The following RAB27A variants were observed in gnomAD, a reference collection of about 807,000 sequenced individuals.
RAB27A encodes ras-related protein Rab-27A.
In RAB27A, 17 loss-of-function variants were observed where a neutral mutation model predicts 20.8. The ratio of observed to expected loss-of-function variants is 0.82; its 90% confidence interval spans 0.56 to 1.23. RAB27A has a LOEUF of 1.23. Among genes scored for constraint, RAB27A ranks in the 50% most tolerant of loss-of-function variants. The pLI is 0.00. For synonymous variants in RAB27A, 85 were observed against 92.8 expected (o/e 0.92, Z 0.48); for missense variants, 277 against 266.7 (o/e 1.04, Z -0.27).
At chr15:55,314,616 C>T (rs2055035488) in intron 1 of RAB27A, among the ~76,000 whole-genome samples, 1 of 152,214 alleles carries the variant, frequency 6.6e-6, no homozygotes, top group African/African-American at 2.4e-5. Context: ...CGTTCCTATA[C>T]ACCCTTAACA....
intron 5 of RAB27A, among the ~76,000 whole-genome samples, chr15:55,227,887 A>G (rs1727339337): frequency 6.6e-6 from 1 of 152,242 alleles, no homozygotes; most frequent in Non-Finnish European, 1.5e-5. Flanking sequence ...ATTTAATATT[A>G]CAGCCTTCCC....
At chr15:55,296,236 G>A (rs532300071) in intron 2 of RAB27A, among the ~76,000 whole-genome samples, 198 of 151,276 alleles carry the variant, frequency 1.3e-3, no homozygotes, top group African/African-American at 4.5e-3. Context: ...GCCTGACGCG[G>A]TGGCTCACAC....
chr15:55,262,266 G>A (rs1897294911), intron 2 of RAB27A, among the ~76,000 whole-genome samples: 2 of 151,994 alleles, frequency 1.3e-5, no homozygotes, highest in Admixed American at 6.6e-5. Flanking sequence ...AGTCGGCCAG[G>A]CGCGGTGGCT....
chr15:55,284,864 A>G (rs888434919), intron 1 of RAB27A, among the ~76,000 whole-genome samples: 6 of 152,196 alleles, frequency 3.9e-5, no homozygotes, highest in African/African-American at 1.4e-4. Context: ...GTAAAATGAA[A>G]TGTTCTCTAA....
chr15:55,302,524 C>T (rs1257605590), intron 2 of RAB27A, among the ~76,000 whole-genome samples: 1 of 151,680 alleles, frequency 6.6e-6, no homozygotes, highest in Non-Finnish European at 1.5e-5. Context: ...AGCGTCTCTG[C>T]CTGGCCGCCC....
At chr15:55,306,094 G>A (rs2141144440) in intron 2 of RAB27A, among the ~76,000 whole-genome samples, 1 of 152,236 alleles carries the variant, frequency 6.6e-6, no homozygotes, top group South Asian at 2.1e-4. Context: ...TATTCCTGAG[G>A]GTAGGCAGAC....
chr15:55,279,193 G>T lies in RAB27A; in HGVS notation c.-142-8909C>A, dbSNP rs558584418. On this transcript the variant is annotated intron_variant, in intron 1 of 6. Transcript: ENST00000336787. Reference sequence around the variant, plus strand: ...CTCTTAATAAAGGCCCCCATGGCCTGTCCTCCCATACTCTTCTATTTCTTC... The same window carrying T: ...CTCTTAATAAAGGCCCCCATGGCCTTTCCTCCCATACTCTTCTATTTCTTC... 9.2e-5 allele frequency among the ~76,000 whole-genome samples: 14 copies of T among 152,280 alleles called. No individual in the cohort carries two copies. The East Asian group carries it at 2.7e-3, about 29-fold the overall frequency.
At position 55,205,339 on chromosome 15, in the gene RAB27A, C is replaced by G; in HGVS notation, c.*168G>C. 2.8e-6 allele frequency: 2 copies of G among 715,712 alleles called. No individual in the cohort carries two copies. The highest frequency in any genetic ancestry group is 4.8e-6 in the Non-Finnish European group (2 of 418,742). 44.3% of individuals were successfully genotyped at this position (715,712 alleles called of 1,614,324 possible). A position where few individuals can be genotyped will look rare whatever the true frequency, so the allele number is the denominator to read the frequency against. ...GAATCTTAAAGAAATATTTACAAAG[C>G]TGCAACAAATTAATTTTAGAACCGG... On this transcript the variant is annotated 3_prime_UTR_variant, in exon 7 of 7. Coordinates refer to ENST00000336787, the MANE Select transcript of RAB27A (RefSeq NM_183235.3).
chr15:55,281,414 T>C (rs1296143434), intron 1 of RAB27A, among the ~76,000 whole-genome samples: 1 of 152,168 alleles, frequency 6.6e-6, no homozygotes, highest in Non-Finnish European at 1.5e-5. Flanking sequence ...TGGTTTCATT[T>C]AAAAAATAAA....
Position 55,257,319 on chromosome 15 carries a change from C to T in RAB27A, c.-23+12846G>A, listed in dbSNP as rs193163752. ...CCCTGTGGCCCACATTTACCTCTGC[C>T]CTTGAGACAGAGGCAGAGTAGCCAA... On this transcript the variant is annotated intron_variant, in intron 2 of 6. Transcript: ENST00000336787. Among the ~76,000 whole-genome samples, 169 of 152,224 alleles carry T rather than the reference C, an allele frequency of 1.1e-3. 1 individual carries two copies. The highest frequency in any genetic ancestry group is 3.9e-3 in the African/African-American group (160 of 41,546).
chr15:55,280,537 C>A (rs1897989510), intron 1 of RAB27A, among the ~76,000 whole-genome samples: 1 of 135,962 alleles, frequency 7.4e-6, no homozygotes, highest in African/African-American at 3.1e-5. Flanking sequence ...ACTTTAAGTT[C>A]TAGGGTACAT....
upstream of RAB27A, among the ~76,000 whole-genome samples, chr15:55,293,866 G>C (rs1202091157): frequency 2.6e-5 from 4 of 152,064 alleles, no homozygotes; most frequent in African/African-American, 9.7e-5. Flanking sequence ...GCAGTAAGCC[G>C]AGATCGTGCA....
intron 1 of RAB27A, among the ~76,000 whole-genome samples, chr15:55,274,501 G>T (rs1205741842): frequency 1.3e-5 from 2 of 149,270 alleles, no homozygotes; most frequent in African/African-American, 4.9e-5. Context: ...AAACTGGCTG[G>T]GTGCGGTGGT....
chr15:55,257,961 C>A (rs1337592175), intron 2 of RAB27A, among the ~76,000 whole-genome samples: 1 of 151,580 alleles, frequency 6.6e-6, no homozygotes, highest in East Asian at 1.9e-4. Flanking sequence ...CCACTGCACT[C>A]CAGGCTGAGG....
At chr15:55,257,205 G>A (rs933990881) in intron 2 of RAB27A, among the ~76,000 whole-genome samples, 1 of 152,108 alleles carries the variant, frequency 6.6e-6, no homozygotes, top group African/African-American at 2.4e-5. Flanking sequence ...TTTTGGAAGG[G>A]AAGGATGATG....
chr15:55,270,041 G>A (rs1897654320), intron 2 of RAB27A, 124 bp downstream of exon 2: 1 of 151,646 alleles, frequency 6.6e-6, no homozygotes, highest in Non-Finnish European at 1.5e-5. Context: ...TAAGTCTTTA[G>A]TTTAAAAACA....
intron 2 of RAB27A, among the ~76,000 whole-genome samples, chr15:55,243,113 GC>G: frequency 6.6e-6 from 1 of 152,222 alleles, no homozygotes; most frequent in East Asian, 1.9e-4. Context: ...CTATCAAGAA[GC>G]CCTTCATCCT....
chr15:55,203,169 T>G lies in RAB27A; in HGVS notation c.*2338A>C, dbSNP rs1428259729. 2 of 152,230 alleles carry G rather than the reference T, an allele frequency of 1.3e-5. No individual in the cohort carries two copies. The highest frequency in any genetic ancestry group is 2.9e-5 in the Non-Finnish European group (2 of 68,040). The allele number at this position is 152,230 out of a possible 1,614,324, so 9.4% of individuals were successfully genotyped here. ...AGGTGGCTTTTGTGTGTGCACTATA[T>G]CATGTATACACTTAATTGTATGTTT... On this transcript the variant is annotated 3_prime_UTR_variant, in exon 7 of 7. Transcript: ENST00000336787.
At chr15:55,268,921 T>C (rs890735042) in intron 2 of RAB27A, among the ~76,000 whole-genome samples, 7 of 152,136 alleles carry the variant, frequency 4.6e-5, no homozygotes, top group African/African-American at 1.7e-4. Flanking sequence ...AAGAGGTCAT[T>C]AGGGTGGGTC....
Sources: gnomAD v4.1 joint callset for allele counts (sites outside exome capture counted in the v4.1 genomes callset) on GRCh38, gnomAD v4.1.1 for gene constraint, MANE v1.5 for transcripts, NCBI Gene and HGNC (gene_info 2026-07-23, HGNC 2026-07-21) for gene names.